SPAG1: variants seen among roughly 807,000 people sequenced by gnomAD.
SPAG1 encodes the protein sperm associated antigen 1.
Under a neutral mutation model 100.5 loss-of-function variants are expected in SPAG1, and 69 were observed. That is an observed-to-expected ratio of 0.69 (90% CI 0.57 to 0.84). SPAG1 has a LOEUF of 0.84. SPAG1 is among the 40% of genes least tolerant of loss of function. The pLI, the probability that SPAG1 is intolerant of heterozygous loss-of-function variation, is 0.00. For synonymous variants in SPAG1, 336 were observed against 411.6 expected (o/e 0.82, Z 2.22); for missense variants, 955 against 1,133.1 (o/e 0.84, Z 2.26).
chr8:100,173,944 T>A (rs1815991921), intron 3 of SPAG1, among the ~76,000 whole-genome samples: 1 of 152,168 alleles, frequency 6.6e-6, no homozygotes, highest in African/African-American at 2.4e-5. Context: ...GATGGCCAAT[T>A]TTATTATGTT....
At position 100,191,398 on chromosome 8, in the gene SPAG1, C is replaced by T. The variant is rs201493353; in HGVS notation, c.841C>T (p.Arg281Cys). The change falls in exon 9 of 19, where the codon CGT becomes TGT. Residue 281 changes from arginine (R) to cysteine (C), a missense_variant. Physicochemically the swap from Arg to Cys is radical, Grantham distance 180. Coordinates refer to ENST00000388798, the MANE Select transcript of SPAG1 (RefSeq NM_003114.5). ...TATTGGTAAATTTTCAGCTCTTCTG[C>T]GTCGTGCTACTACATATAAACATCA... ...LEPGNVKALLRRATTYKHQNK... is the reference protein window; with the variant it reads ...LEPGNVKALLCRATTYKHQNK... 55 of 1,610,542 alleles carry T rather than the reference C, an allele frequency of 3.4e-5. No individual in the cohort carries two copies. In the South Asian group the frequency reaches 3.6e-4, roughly 11 times the overall value.
chr8:100,222,619 C>T (rs1223224289), intron 13 of SPAG1, among the ~76,000 whole-genome samples: 1 of 151,998 alleles, frequency 6.6e-6, no homozygotes, highest in Non-Finnish European at 1.5e-5. Context: ...GGGGAGACAC[C>T]GGAAGTATCT....
At chr8:100,184,094 C>A (rs1484704784) in intron 6 of SPAG1, 32 bp downstream of exon 6, 2 of 987,574 alleles carry the variant, frequency 2.0e-6, no homozygotes, top group Non-Finnish European at 3.0e-6. Flanking sequence ...ATTTAGTAGT[C>A]TTTAAAGTTT....
chr8:100,235,836 C>T (rs751919711), intron 16 of SPAG1, among the ~76,000 whole-genome samples: 1 of 152,080 alleles, frequency 6.6e-6, no homozygotes, highest in African/African-American at 2.4e-5. Flanking sequence ...CATGCCTCCC[C>T]GCCGGCCCTC....
At chr8:100,177,329 T>C (rs1353862419) in intron 3 of SPAG1, among the ~76,000 whole-genome samples, 1 of 152,184 alleles carries the variant, frequency 6.6e-6, no homozygotes, top group Non-Finnish European at 1.5e-5. Context: ...CTTACCACAA[T>C]AGCAACAGGA....
chr8:100,181,889 TAAC>T (rs2132253040), intron 4 of SPAG1, among the ~76,000 whole-genome samples: 1 of 152,336 alleles, frequency 6.6e-6, no homozygotes, highest in South Asian at 2.1e-4. Context: ...ATTCAACCCA[TAAC>T]ATCATCTTAG....
Position 100,194,261 on chromosome 8 carries a change from A to G in SPAG1, c.1089A>G (p.Gly363=), listed in dbSNP as rs199651642. 9 of 1,607,344 alleles carry G rather than the reference A, an allele frequency of 5.6e-6. No individual in the cohort carries two copies. Among genetic ancestry groups the G allele is most frequent in the Non-Finnish European group, 8.5e-7 (1 of 1,174,472 alleles). The change falls in exon 10 of 19, where the codon GGA becomes GGG. Residue 363 remains glycine, a synonymous_variant. Transcript: ENST00000388798. ...KSGRKHEDGG[G]DKKPAEPAGA... ...GAAGAAAACATGAAGATGGCGGTGG[A>G]GATAAGAGTAAAATATTTTTTCTAT...
intron 16 of SPAG1, among the ~76,000 whole-genome samples, chr8:100,237,519 A>T (rs1417645048): frequency 2.0e-5 from 3 of 152,130 alleles, no homozygotes; most frequent in African/African-American, 7.2e-5. Flanking sequence ...GTAATTATCT[A>T]TTCATTTGTT....
At chr8:100,227,869 C>T (rs951992063) in intron 14 of SPAG1, among the ~76,000 whole-genome samples, 8 of 92,294 alleles carry the variant, frequency 8.7e-5, no homozygotes, top group Admixed American at 1.5e-4. Flanking sequence ...TTTTTTGAGA[C>T]AGGATCTTGC....
chr8:100,178,192 CTTT>C (rs767404387), intron 4 of SPAG1, among the ~76,000 whole-genome samples: 4 of 151,416 alleles, frequency 2.6e-5, no homozygotes, highest in South Asian at 2.1e-4. Flanking sequence ...TGCCTTTAGT[CTTT>C]TTTTTCTTTT....
chr8:100,226,712 A>C (rs1464497908), intron 14 of SPAG1, among the ~76,000 whole-genome samples: 1 of 152,152 alleles, frequency 6.6e-6, no homozygotes, highest in Non-Finnish European at 1.5e-5. Flanking sequence ...CAAAAAAAAA[A>C]AATTTAAATA....
intron 16 of SPAG1, among the ~76,000 whole-genome samples, chr8:100,238,577 C>G (rs1180219771): frequency 6.6e-6 from 1 of 152,188 alleles, no homozygotes; most frequent in Admixed American, 6.5e-5. Context: ...GTCTTTGCTG[C>G]TAGATTCAGT....
At chr8:100,228,987 T>C (rs1179648119) in intron 14 of SPAG1, among the ~76,000 whole-genome samples, 2 of 152,140 alleles carry the variant, frequency 1.3e-5, no homozygotes, top group African/African-American at 4.8e-5. Context: ...AGGCTGTAAA[T>C]CAGGCTCAAC....
At chr8:100,174,470 A>G (rs1816017991) in intron 3 of SPAG1, among the ~76,000 whole-genome samples, 1 of 152,164 alleles carries the variant, frequency 6.6e-6, no homozygotes. Flanking sequence ...GAGGAGATGA[A>G]AGGAGAGGCA....
intron 1 of SPAG1, 45 bp from the exon 2 acceptor site, chr8:100,162,234 A>G (rs1563765879): frequency 7.1e-7 from 1 of 1,410,638 alleles, no homozygotes; most frequent in Non-Finnish European, 9.7e-7. Flanking sequence ...CAAATTGAGT[A>G]TTATTTATAC....
intron 7 of SPAG1, among the ~76,000 whole-genome samples, chr8:100,185,396 A>C (rs972169079): frequency 1.3e-4 from 19 of 151,872 alleles, no homozygotes; most frequent in Non-Finnish European, 2.6e-4. Context: ...CACCCCACCC[A>C]CCTCACCTCC....
At position 100,240,629 on chromosome 8, in the gene SPAG1, A is replaced by G. The variant is rs1819220158; in HGVS notation, c.2507A>G (p.Asp836Gly). Residue 836 changes from aspartate (D) to glycine (G), a missense_variant, in exon 18 of 19, where the codon GAT (aspartate) becomes GGT (glycine). Asp to Gly is a moderately conservative substitution (Grantham distance 94). Transcript: ENST00000388798. Reference sequence around the variant, plus strand: ...CTTTTAGCCATCACTGCACCAAAAGATTTGCCGATGTTTTTAAGTAACAAA... The same window carrying G: ...CTTTTAGCCATCACTGCACCAAAAGGTTTGCCGATGTTTTTAAGTAACAAA... ...AHLLAITAPK[D>G]LPMFLSNKLE... 1.2e-6 allele frequency: 2 copies of G among 1,614,026 alleles called. No individual in the cohort carries two copies. The highest frequency in any genetic ancestry group is 1.1e-5 in the South Asian group (1 of 91,086).
chr8:100,164,086 A>T (rs1172253438), intron 2 of SPAG1, among the ~76,000 whole-genome samples: 1 of 152,230 alleles, frequency 6.6e-6, no homozygotes, highest in Non-Finnish European at 1.5e-5. Context: ...GTCTCCATTT[A>T]ACTCTCTAAG....
chr8:100,192,207 G>A (rs948316678), intron 9 of SPAG1, among the ~76,000 whole-genome samples: 1 of 152,182 alleles, frequency 6.6e-6, no homozygotes, highest in Non-Finnish European at 1.5e-5. Context: ...GCTCACGTCT[G>A]TAATCCCAGC....
Sources: gnomAD v4.1 joint callset for allele counts (sites outside exome capture counted in the v4.1 genomes callset) on GRCh38, gnomAD v4.1.1 for gene constraint, MANE v1.5 for transcripts, NCBI Gene and HGNC (gene_info 2026-07-23, HGNC 2026-07-21) for gene names.